Variants in AARS1 observed in about 807,000 individuals in gnomAD.
The protein encoded by AARS1 is alanine--tRNA ligase, cytoplasmic.
AARS1 carries 72 observed loss-of-function variants against 108.9 expected under a neutral mutation model. The ratio of observed to expected loss-of-function variants is 0.66; its 90% CI spans 0.55 to 0.80. AARS1 has a LOEUF of 0.80. AARS1 is among the 30% of genes least tolerant of loss of function. The pLI, the probability that AARS1 is intolerant of heterozygous loss-of-function variation, is 0.00. For synonymous variants in AARS1, 489 were observed against 465.7 expected (o/e 1.05, Z -0.64); for missense variants, 1,193 against 1,233.2 (o/e 0.97, Z 0.49).
chr16:70,260,624 C>T (rs141522446), intron 13 of AARS1, among the ~76,000 whole-genome samples: 253 of 150,390 alleles, frequency 1.7e-3, no homozygotes, highest in Middle Eastern at 0.014. Context: ...CCTAAATTAA[C>T]CCCTGCGGTC....
Position 70,268,383 on chromosome 16 carries a change from T to C in AARS1, c.963-4A>G. On this transcript the variant is annotated splice_region_variant and splice_polypyrimidine_tract_variant and intron_variant, in intron 7 of 20. Coordinates refer to ENST00000261772, the MANE Select transcript of AARS1 (RefSeq NM_001605.3). ...GAGAATCCGTCTCAACACATATCTG[T>C]AAGAGGCAAAAACTAGTCCCCAACG... 1 of 1,613,954 alleles carries C rather than the reference T, an allele frequency of 6.2e-7. No individual in the cohort carries two copies. Among genetic ancestry groups the C allele is most frequent in the Non-Finnish European group, 8.5e-7 (1 of 1,179,824 alleles).
In AARS1 at chr16:70,260,019, G is replaced by A. The variant is rs185553859; in HGVS notation, c.1786-833C>T. On this transcript the variant is annotated intron_variant, in intron 13 of 20. Transcript: ENST00000261772. The stretch of plus-strand genomic sequence containing the variant: ...ACTCCCGACCTCAGGTGATCTGCTC[G>A]CCTCGGCCTCCCAAAGTGCCGGGAT... Among the ~76,000 whole-genome samples, 262 of 152,204 alleles carry A rather than the reference G, an allele frequency of 1.7e-3. 1 individual carries two copies. The highest frequency in any genetic ancestry group is 3.4e-3 in the Middle Eastern group (1 of 294).
At chr16:70,269,546 A>G in intron 7 of AARS1, 72 bp downstream of exon 7, 1 of 1,598,802 alleles carries the variant, frequency 6.3e-7, no homozygotes, top group South Asian at 1.1e-5. Flanking sequence ...ACACAAAGAA[A>G]AGTTTCATAA....
intron 7 of AARS1, among the ~76,000 whole-genome samples, chr16:70,269,322 G>GAAAAAAAAAAAAAAAAAAAAAAA (rs56394253): frequency 1.1e-4 from 7 of 64,264 alleles, no homozygotes; most frequent in African/African-American, 4.6e-4. Context: ...TTCTGTCTCA[G>GAAAAAAAAAAAAAAAAAAAAAAA]AAAAAAAAAA....
Position 70,258,115 on chromosome 16 carries a change from T to A in AARS1, c.2095A>T (p.Ile699Phe), listed in dbSNP as rs1427798398. 3.1e-6 allele frequency: 5 copies of A among 1,613,664 alleles called. No homozygotes were observed. The East Asian group carries it at 1.1e-4, about 36-fold the overall frequency. ...TYPDPVRVVSIGVPVSELLDD... is the reference protein window; with the variant it reads ...TYPDPVRVVSFGVPVSELLDD... ...AGCAACTCGGACACCGGGACCCCAA[T>A]GGAGACGACTCGCACAGGGTCAGGA... Residue 699 changes from isoleucine (I) to phenylalanine (F), a missense_variant, in exon 15 of 21, where the codon ATT becomes TTT. Transcript: ENST00000261772.
At chr16:70,267,905 C>T (rs535949424) in intron 8 of AARS1, 96 bp from the exon 9 acceptor site, 505 of 1,545,728 alleles carry the variant, frequency 3.3e-4, no homozygotes, top group Non-Finnish European at 3.9e-4. Context: ...CAGTGGCTCA[C>T]GCCTGTAATC....
intron 16 of AARS1, 99 bp from the exon 17 acceptor site, chr16:70,254,833 A>G (rs1567601436): frequency 7.7e-6 from 6 of 780,730 alleles, no homozygotes; most frequent in Non-Finnish European, 1.3e-5. Context: ...TAGGCCTTGC[A>G]GCAACATACC....
chr16:70,270,969 T>C (rs1329233463), intron 5 of AARS1, among the ~76,000 whole-genome samples: 1 of 142,030 alleles, frequency 7.0e-6, no homozygotes. Context: ...GCCAACATGA[T>C]GAAACCCCAT....
At chr16:70,282,084 G>A (rs547634628) in intron 2 of AARS1, among the ~76,000 whole-genome samples, 2 of 146,726 alleles carry the variant, frequency 1.4e-5, no homozygotes, top group South Asian at 2.2e-4. Context: ...CCTGGGGGGC[G>A]GAGCTTGCAG....
chr16:70,254,537 T>G, intron 17 of AARS1, 84 bp downstream of exon 17: 1 of 1,012,228 alleles, frequency 9.9e-7, no homozygotes, highest in Non-Finnish European at 1.6e-6. Flanking sequence ...AACCAGGGCC[T>G]GACTGACTAC....
chr16:70,271,105 GC>G (rs982911131), intron 5 of AARS1, among the ~76,000 whole-genome samples: 1 of 150,656 alleles, frequency 6.6e-6, no homozygotes, highest in African/African-American at 2.4e-5. Context: ...AACCCAGCAG[GC>G]AAAGGTTGCA....
In AARS1 at chr16:70,252,768, G is replaced by A. The variant is rs1959872785; in HGVS notation, c.2860C>T (p.Leu954=). 3 of 1,614,180 alleles carry A rather than the reference G, an allele frequency of 1.9e-6. No individual in the cohort carries two copies. The highest frequency in any genetic ancestry group is 2.5e-6 in the Non-Finnish European group (3 of 1,180,032). The change falls in exon 21 of 21, where the codon CTG becomes TTG. Residue 954 remains leucine (L), a synonymous_variant. Transcript: ENST00000261772. The part of the protein sequence containing the change: ...NVGCLQEALQ[L]ATSFAQLRLG... Reference sequence around the variant, plus strand: ...CGCAGCTGGGCGAAGGAAGTGGCCAGCTGCAGCGCCTCCTGCAGGCAGCCA... The same window carrying A: ...CGCAGCTGGGCGAAGGAAGTGGCCAACTGCAGCGCCTCCTGCAGGCAGCCA...
chr16:70,278,168 C>A (rs1960597508), intron 2 of AARS1, among the ~76,000 whole-genome samples: 2 of 151,888 alleles, frequency 1.3e-5, no homozygotes, highest in South Asian at 2.1e-4. Flanking sequence ...TCCTTCGAGC[C>A]CAGAGTTCAA....
At position 70,264,950 on chromosome 16, in the gene AARS1, C is replaced by A. The variant is rs1309993363; in HGVS notation, c.1492+8G>T. On this transcript the variant is annotated splice_region_variant and intron_variant, in intron 11 of 20. Transcript: ENST00000261772. ...ATGCTCAGATGTGGAAGGAGCACAG[C>A]AACATACCATAGCTACCACTGGAGT... is the stretch of plus-strand genomic sequence containing the variant. The A allele has an allele frequency of 1.9e-6, 3 of 1,614,074 alleles. No homozygotes were observed. The highest frequency in any genetic ancestry group is 2.5e-6 in the Non-Finnish European group (3 of 1,180,022).
At chr16:70,269,261 G>A (rs1476642843) in intron 7 of AARS1, among the ~76,000 whole-genome samples, 4 of 145,030 alleles carry the variant, frequency 2.8e-5, no homozygotes, top group East Asian at 2.2e-4. Context: ...TGGAGGTTGC[G>A]GTGAGCCAAG....
rs1959860101 is a variant in AARS1, at chr16:70,252,331, A to T, written c.*390T>A. 5.8e-6 allele frequency: 2 copies of T among 341,990 alleles called. No individual in the cohort carries two copies. Among genetic ancestry groups the T allele is most frequent in the African/African-American group, 4.2e-5 (2 of 47,380 alleles). The allele number at this position is 341,990 out of a possible 1,614,324, so 21.2% of individuals were successfully genotyped here. On this transcript the variant is annotated 3_prime_UTR_variant, in exon 21 of 21. Transcript: ENST00000261772. ...ACAGCATTTATTCTACAGACGCCAA[A>T]GGCTGTCAAAAGAGCCAGCCCCTAT... is the stretch of plus-strand genomic sequence containing the variant.
Position 70,276,549 on chromosome 16 carries a change from C to T in AARS1, c.416G>A (p.Gly139Asp). 1.9e-6 allele frequency: 3 copies of T among 1,614,104 alleles called. No individual in the cohort carries two copies. Among genetic ancestry groups the T allele is most frequent in the Non-Finnish European group, 2.5e-6 (3 of 1,180,026 alleles). Reference protein sequence around the residue: ...PIERLYVTYFGGDEAAGLEAD... With the variant: ...PIERLYVTYFDGDEAAGLEAD... ...TTCTAAGCCAGCTGCTTCATCCCCG[C>T]CAAAGTAAGTAACATAAAGTCTTTC... The change falls in exon 4 of 21, where the codon GGC (glycine) becomes GAC (aspartate). Residue 139 changes from glycine (G) to aspartate (D), a missense_variant. Physicochemically the swap from Gly to Asp is moderately conservative, Grantham distance 94. Transcript: ENST00000261772.
At chr16:70,258,264 G>A (rs1440084540) in intron 14 of AARS1, 47 bp from the exon 15 acceptor site, 3 of 1,549,320 alleles carry the variant, frequency 1.9e-6, no homozygotes, top group African/African-American at 2.7e-5. Flanking sequence ...ATCCCTGGAG[G>A]TGCGGTACGA....
intron 5 of AARS1, among the ~76,000 whole-genome samples, chr16:70,270,956 C>G (rs1199162967): frequency 6.6e-6 from 1 of 151,570 alleles, no homozygotes; most frequent in Admixed American, 6.6e-5. Context: ...CGAGACCAGC[C>G]TGGCCAACAT....
Sources: gnomAD v4.1 joint callset for allele counts (sites outside exome capture counted in the v4.1 genomes callset) on GRCh38, gnomAD v4.1.1 for gene constraint, MANE v1.5 for transcripts, NCBI Gene and HGNC (gene_info 2026-07-23, HGNC 2026-07-21) for gene names.